Variants in LSM8 observed in about 807,000 individuals in gnomAD.
The protein encoded by LSM8 is LSM8 U6 small nuclear RNA associated.
Under a neutral mutation model 15.0 loss-of-function variants are expected in LSM8, and 14 were observed. That is an observed-to-expected ratio of 0.93 (90% CI 0.62 to 1.46). The LOEUF (loss-of-function observed/expected upper bound fraction) is 1.46. LSM8 is among the 40% of genes most tolerant of loss of function. LSM8 has a pLI of 0.00. For synonymous variants in LSM8, 50 were observed against 42.1 expected (o/e 1.19, Z -0.73); for missense variants, 90 against 115.4 (o/e 0.78, Z 1.01).
At chr7:118,187,339 G>A (rs1808904606) in intron 2 of LSM8, among the ~76,000 whole-genome samples, 1 of 152,168 alleles carries the variant, frequency 6.6e-6, no homozygotes, top group Non-Finnish European at 1.5e-5. Context: ...ACTCTGTTAT[G>A]CTAGACCCAT....
At chr7:118,189,870 AAAG>A (rs1263498954) in intron 3 of LSM8, 3 of 152,232 alleles carry the variant, frequency 2.0e-5, no homozygotes, top group Non-Finnish European at 2.9e-5. Flanking sequence ...TTGAAAAAAA[AAAG>A]AAAAGTGGCT....
chr7:118,191,752 G>A (rs1409133203), intron 3 of LSM8, 160 bp from the exon 4 acceptor site: 7 of 567,220 alleles, frequency 1.2e-5, no homozygotes, highest in Admixed American at 6.8e-5. Flanking sequence ...ACTGACTCAC[G>A]CCAATGTTGT....
intron 1 of LSM8, 95 bp downstream of exon 1, chr7:118,184,349 G>T: frequency 3.0e-6 from 4 of 1,342,666 alleles, no homozygotes; most frequent in Non-Finnish European, 3.9e-6. Flanking sequence ...GCCTCGGCGG[G>T]ATCCTGGGGG....
At chr7:118,187,433 A>G (rs1338411623) in intron 2 of LSM8, among the ~76,000 whole-genome samples, 1 of 152,214 alleles carries the variant, frequency 6.6e-6, no homozygotes. Context: ...GTATAGTCAC[A>G]TTTGTATCTA....
chr7:118,197,658 T>C lies in LSM8; in HGVS notation c.*5656T>C, dbSNP rs1003436948. 9.2e-5 allele frequency among the ~76,000 whole-genome samples: 14 copies of C among 152,230 alleles called. No homozygotes were observed. The highest frequency in any genetic ancestry group is 3.9e-4 in the Admixed American group (6 of 15,292). ...CTGAATCTGACTTGGATAAGCTTTA[T>C]TTTAATTGTGATTCTGCTAATTACA... On this transcript the variant is annotated 3_prime_UTR_variant, in exon 4 of 4. Coordinates refer to ENST00000249299, the MANE Select transcript of LSM8 (RefSeq NM_016200.5).
chr7:118,184,546 C>T (rs781727626), intron 1 of LSM8: 4 of 325,954 alleles, frequency 1.2e-5, no homozygotes, highest in Non-Finnish European at 1.1e-5. Context: ...CTTACTATTT[C>T]CCTATGGCAT....
chr7:118,189,988 A>G (rs949079872), intron 3 of LSM8: 1 of 152,242 alleles, frequency 6.6e-6, no homozygotes, highest in Admixed American at 6.5e-5. Flanking sequence ...AAGAATGCCA[A>G]ATCAGTTTTC....
chr7:118,188,197 C>A, intron 2 of LSM8, 81 bp from the exon 3 acceptor site: 1 of 1,508,098 alleles, frequency 6.6e-7, no homozygotes, highest in Non-Finnish European at 9.2e-7. Context: ...TACCTGGCAA[C>A]TAAAATGACT....
At position 118,198,184 on chromosome 7, in the gene LSM8, G is replaced by A. The variant is rs62466513; in HGVS notation, c.*6182G>A. ...TTGATCAAATTTTTAAAAGTAACAC[G>A]AGGCAGAGAAAGTACAGAAAGGAGC... On this transcript the variant is annotated 3_prime_UTR_variant, in exon 4 of 4. Coordinates refer to ENST00000249299, the MANE Select transcript of LSM8 (RefSeq NM_016200.5). 0.069 allele frequency among the ~76,000 whole-genome samples: 10,450 copies of A among 152,112 alleles called. 389 individuals carry two copies. Among genetic ancestry groups the A allele is most frequent in the East Asian group, 0.11 (565 of 5,174 alleles).
rs936192667 is a variant in LSM8 at position 118,203,861 on chromosome 7, T to C, written c.*11859T>C. On this transcript the variant is annotated 3_prime_UTR_variant, in exon 4 of 4. Transcript: ENST00000249299. ...AATAAATTTGCCACCTTATTGCATA[T>C]GAAGAATATCTCCATATTCTTACAG... Among the ~76,000 whole-genome samples, 6 of 151,832 alleles carry C rather than the reference T, an allele frequency of 4.0e-5. No homozygotes were observed. Among genetic ancestry groups the C allele is most frequent in the African/African-American group, 1.4e-4 (6 of 41,438 alleles).
At position 118,192,164 on chromosome 7, in the gene LSM8, AC is replaced by A. The variant is rs1297362693; in HGVS notation, c.*164del. 1.1e-5 allele frequency: 5 copies of A among 455,050 alleles called. No individual in the cohort carries two copies. The highest frequency in any genetic ancestry group is 7.8e-5 in the East Asian group (2 of 25,778). 28.2% of individuals were successfully genotyped at this position (455,050 alleles called of 1,614,324 possible). A position where few individuals can be genotyped will look rare whatever the true frequency, so the allele number is the denominator to read the frequency against. ...ATTTCTACATTTTATTGAAAAAAAAACCTTTTTTTTTGCCTAAATATAAGTT... is the reference window on the plus strand; with the variant it reads ...ATTTCTACATTTTATTGAAAAAAAAACTTTTTTTTTGCCTAAATATAAGTT... On this transcript the variant is annotated 3_prime_UTR_variant, in exon 4 of 4. Transcript: ENST00000249299.
rs915203257 is a variant in LSM8, at chr7:118,198,367, G to A, written c.*6365G>A. On this transcript the variant is annotated 3_prime_UTR_variant, in exon 4 of 4. Transcript: ENST00000249299. The stretch of plus-strand genomic sequence containing the variant: ...TAAAACCAAATATTCTATGAAGATT[G>A]GAAGGATAATTTTAGGTCAAATGAA... Among the ~76,000 whole-genome samples the A allele has an allele frequency of 3.3e-5, 5 of 152,122 alleles. No individual in the cohort carries two copies. The highest frequency in any genetic ancestry group is 7.4e-5 in the Non-Finnish European group (5 of 68,024).
chr7:118,189,992 A>C (rs949151584), intron 3 of LSM8: 6 of 152,234 alleles, frequency 3.9e-5, no homozygotes, highest in African/African-American at 1.2e-4. Context: ...ATGCCAAATC[A>C]GTTTTCTAGT....
chr7:118,188,472 C>A, intron 3 of LSM8, 67 bp downstream of exon 3: 1 of 1,396,658 alleles, frequency 7.2e-7, no homozygotes. Context: ...GAGGCTTTCC[C>A]CAAAATACCC....
In LSM8 at chr7:118,202,339, G is replaced by A. The variant is rs531604986; in HGVS notation, c.*10337G>A. On this transcript the variant is annotated 3_prime_UTR_variant, in exon 4 of 4. Transcript: ENST00000249299. ...CAGGCAGGAGGAGTTCATTTATCTC[G>A]AGAGAAAAGAACAGAAAAGTGAAAA... Among the ~76,000 whole-genome samples, 57 of 151,984 alleles carry A rather than the reference G, an allele frequency of 3.8e-4. No homozygotes were observed. Among genetic ancestry groups the A allele is most frequent in the Non-Finnish European group, 7.4e-5 (5 of 67,906 alleles).
In LSM8 at chr7:118,203,379, C is replaced by A. The variant is rs187194350; in HGVS notation, c.*11377C>A. Reference sequence around the variant, plus strand: ...TGATATCATATAGGAGTAAAAATTGCGGGGAGGTCCTAATATCCAATATTA... The same window carrying A: ...TGATATCATATAGGAGTAAAAATTGAGGGGAGGTCCTAATATCCAATATTA... On this transcript the variant is annotated 3_prime_UTR_variant, in exon 4 of 4. Transcript: ENST00000249299. Among the ~76,000 whole-genome samples the A allele has an allele frequency of 1.5e-3, 229 of 151,752 alleles. No individual in the cohort carries two copies. The highest frequency in any genetic ancestry group is 2.0e-3 in the Non-Finnish European group (137 of 67,762).
At position 118,198,693 on chromosome 7, in the gene LSM8, G is replaced by A. The variant is rs1480579253; in HGVS notation, c.*6691G>A. Among the ~76,000 whole-genome samples the A allele has an allele frequency of 6.6e-6, 1 of 152,184 alleles. No individual in the cohort carries two copies. Among genetic ancestry groups the A allele is most frequent in the Admixed American group, 6.5e-5 (1 of 15,274 alleles). On this transcript the variant is annotated 3_prime_UTR_variant, in exon 4 of 4. Transcript: ENST00000249299. Reference sequence around the variant, plus strand: ...TTGGCAGACAGGAAGGCAAGAAGGAGTAAGATGTGGTTGAGTAATAAGGAG... The same window carrying A: ...TTGGCAGACAGGAAGGCAAGAAGGAATAAGATGTGGTTGAGTAATAAGGAG...
rs1349040772 is a variant in LSM8, at chr7:118,202,175, T to G, written c.*10173T>G. ...TTGGCAGTTTTTTTGTTTTTGTTTT[T>G]GCTTGTGTCACACATAATGCTGATG... is the stretch of plus-strand genomic sequence containing the variant. On this transcript the variant is annotated 3_prime_UTR_variant, in exon 4 of 4. Coordinates refer to ENST00000249299, the MANE Select transcript of LSM8 (RefSeq NM_016200.5). 6.6e-6 allele frequency among the ~76,000 whole-genome samples: 1 copy of G among 152,112 alleles called. No individual in the cohort carries two copies. The highest frequency in any genetic ancestry group is 1.5e-5 in the Non-Finnish European group (1 of 67,988).
intron 3 of LSM8, 113 bp from the exon 4 acceptor site, chr7:118,191,799 C>G: frequency 1.3e-6 from 1 of 742,262 alleles, no homozygotes; most frequent in South Asian, 1.9e-5. Flanking sequence ...TGTGCTCTCT[C>G]AGTTTTATTT....
Sources: allele counts gnomAD v4.1 joint callset (sites outside exome capture counted in the v4.1 genomes callset), GRCh38; gene constraint gnomAD v4.1.1; transcripts MANE v1.5; gene names NCBI Gene and HGNC (gene_info 2026-07-23, HGNC 2026-07-21).